LRBA: variants seen among roughly 807,000 people sequenced by gnomAD.
LRBA encodes lipopolysaccharide-responsive and beige-like anchor protein.
In LRBA, 176 loss-of-function variants were observed where a neutral mutation model predicts 330.0. The observed-to-expected ratio is 0.53, with a 90% CI of 0.47 to 0.60. The LOEUF is 0.60. Ranked by LOEUF, LRBA falls within the 20% of genes least tolerant of loss-of-function variation. The probability of loss-of-function intolerance (pLI) is 0.00; values close to 1 mark genes in which losing one functional copy is unlikely to be tolerated. For missense variants in LRBA, 3,259 were observed against 3,444.8 expected (o/e 0.95, Z 1.35); for synonymous variants, 1,230 against 1,193.0 (o/e 1.03, Z -0.64).
chr4:150,493,817 C>T (rs907100846), intron 40 of LRBA, among the ~76,000 whole-genome samples: 12 of 152,142 alleles, frequency 7.9e-5, no homozygotes, highest in African/African-American at 2.9e-4. Context: ...ATAAGAAAAA[C>T]AAGAGCCAGG....
intron 37 of LRBA, among the ~76,000 whole-genome samples, chr4:150,628,151 A>G (rs931010118): frequency 2.6e-5 from 4 of 152,188 alleles, no homozygotes; most frequent in African/African-American, 9.6e-5. Context: ...AAAAATTAAC[A>G]TTCTTTATCA....
chr4:150,433,231 T>TTC (rs1270449742), intron 46 of LRBA, among the ~76,000 whole-genome samples: 2 of 152,186 alleles, frequency 1.3e-5, no homozygotes, highest in African/African-American at 4.8e-5. Context: ...ACCATGTGAT[T>TTC]TCTTTTGATG....
intron 17 of LRBA, among the ~76,000 whole-genome samples, chr4:150,892,167 A>G (rs920967345): frequency 1.3e-4 from 20 of 152,238 alleles, no homozygotes; most frequent in Non-Finnish European, 2.4e-4. Flanking sequence ...ATGATTAAGC[A>G]AAACTAGTTG....
rs932659457 is a variant in LRBA, at chr4:150,459,999, A to C, written c.6780+7674T>G. 3.9e-5 allele frequency among the ~76,000 whole-genome samples: 6 copies of C among 151,988 alleles called. No homozygotes were observed. In the East Asian group the frequency reaches 5.8e-4, roughly 15 times the overall value. On this transcript the variant is annotated intron_variant, in intron 44 of 56. Transcript: ENST00000651943. ...TCACTGAAGCCCAATAAATAGAAAA[A>C]TGAAGTAAAAGCCATAACACCTAAC...
intron 10 of LRBA, 33 bp downstream of exon 10, chr4:150,908,627 T>C: frequency 6.4e-7 from 1 of 1,573,666 alleles, no homozygotes; most frequent in Non-Finnish European, 8.7e-7. Context: ...AAAATTACCA[T>C]TATAAATGTT....
intron 17 of LRBA, among the ~76,000 whole-genome samples, chr4:150,886,202 T>G (rs961274260): frequency 2.6e-5 from 4 of 152,166 alleles, no homozygotes; most frequent in Non-Finnish European, 5.9e-5. Context: ...CTCATATGGA[T>G]AGAAGAATCA....
intron 34 of LRBA, among the ~76,000 whole-genome samples, chr4:150,764,384 T>C (rs1319620861): frequency 6.6e-6 from 1 of 151,950 alleles, no homozygotes; most frequent in Non-Finnish European, 1.5e-5. Flanking sequence ...GACATAATCA[T>C]CTATATAGAA....
At chr4:150,658,932 C>G (rs1371131258) in intron 37 of LRBA, among the ~76,000 whole-genome samples, 3 of 42,998 alleles carry the variant, frequency 7.0e-5, no homozygotes, top group African/African-American at 1.3e-4. Flanking sequence ...TTGGCCGGGC[C>G]GGTCTCCAGC....
chr4:150,651,663 T>C (rs1779720321), intron 37 of LRBA, among the ~76,000 whole-genome samples: 1 of 152,066 alleles, frequency 6.6e-6, no homozygotes, highest in African/African-American at 2.4e-5. Context: ...TAAATATTTG[T>C]GAAATAAATG....
chr4:150,733,511 T>C (rs1251698527), intron 36 of LRBA, among the ~76,000 whole-genome samples: 1 of 151,844 alleles, frequency 6.6e-6, no homozygotes, highest in Admixed American at 6.6e-5. Flanking sequence ...TTCTTACAAC[T>C]TTCCTGAAAG....
At chr4:150,788,619 G>T (rs28647748) in intron 34 of LRBA, among the ~76,000 whole-genome samples, 1,716 of 149,914 alleles carry the variant, frequency 0.011, 38 homozygotes, top group African/African-American at 0.04. Flanking sequence ...AATTAGCCGG[G>T]CATGATGGCA....
Position 150,852,222 on chromosome 4 carries a change from G to GT in LRBA, c.3487dup (p.Thr1163AsnfsTer2). 6.2e-7 allele frequency: 1 copy of GT among 1,614,052 alleles called. No homozygotes were observed. Among genetic ancestry groups the GT allele is most frequent in the Non-Finnish European group, 8.5e-7 (1 of 1,179,996 alleles). On this transcript the variant is annotated frameshift_variant, in exon 23 of 57. Transcript: ENST00000651943. LOFTEE classifies it high-confidence loss of function. ...AGTTTCAGTATCAGTTTGCTTTTCA[G>GT]TAACAGGTTTTCCTTCTTGAAATAT... is the stretch of plus-strand genomic sequence containing the variant.
At chr4:150,883,946 T>A (rs549530036) in intron 17 of LRBA, among the ~76,000 whole-genome samples, 10 of 152,152 alleles carry the variant, frequency 6.6e-5, no homozygotes, top group African/African-American at 2.4e-4. Context: ...TTTCCCTCCA[T>A]GAAAAAAGAC....
chr4:150,285,990 C>G lies in LRBA; in HGVS notation c.8062G>C (p.Glu2688Gln). 1 of 1,596,742 alleles carries G rather than the reference C, an allele frequency of 6.3e-7. No homozygotes were observed. The highest frequency in any genetic ancestry group is 8.5e-7 in the Non-Finnish European group (1 of 1,171,606). ...GCACACACCGCAGCACATGTGACCT[C>G]ATAGTCATGGCCGGTCAAAATGGCC... Reference protein sequence around the residue: ...PRAILTGHDYEVTCAAVCAEL... With the variant: ...PRAILTGHDYQVTCAAVCAEL... Residue 2688 changes from glutamate (E) to glutamine (Q), a missense_variant, in exon 54 of 57, where the codon GAG becomes CAG. Transcript: ENST00000651943.
intron 47 of LRBA, among the ~76,000 whole-genome samples, chr4:150,389,156 T>C (rs1451018756): frequency 6.6e-6 from 1 of 152,124 alleles, no homozygotes; most frequent in Non-Finnish European, 1.5e-5. Flanking sequence ...TATTAACTTT[T>C]ATAAAGGCAG....
At chr4:150,344,456 T>C (rs1736005731) in intron 48 of LRBA, among the ~76,000 whole-genome samples, 1 of 152,262 alleles carries the variant, frequency 6.6e-6, no homozygotes, top group South Asian at 2.1e-4. Context: ...TCAGTACTTT[T>C]TAGTTCTTAT....
At chr4:150,882,906 C>T (rs1728561161) in intron 17 of LRBA, among the ~76,000 whole-genome samples, 1 of 152,120 alleles carries the variant, frequency 6.6e-6, no homozygotes, top group Non-Finnish European at 1.5e-5. Flanking sequence ...TAAATGATTT[C>T]ATGGTAGAGA....
chr4:150,375,133 G>A (rs1741063053), intron 47 of LRBA, among the ~76,000 whole-genome samples: 1 of 152,162 alleles, frequency 6.6e-6, no homozygotes, highest in African/African-American at 2.4e-5. Context: ...AGCTATAGAA[G>A]GGAGGCTGTC....
At chr4:150,716,040 A>C (rs936865430) in intron 36 of LRBA, among the ~76,000 whole-genome samples, 3 of 152,222 alleles carry the variant, frequency 2.0e-5, no homozygotes, top group African/African-American at 7.2e-5. Context: ...TATAGCTCGA[A>C]ACAAACATCG....
Sources: allele counts gnomAD v4.1 joint callset (sites outside exome capture counted in the v4.1 genomes callset), GRCh38; gene constraint gnomAD v4.1.1; transcripts MANE v1.5; gene names NCBI Gene and HGNC (gene_info 2026-07-23, HGNC 2026-07-21).